Variants in MAN2B2 observed in about 807,000 individuals in gnomAD.
MAN2B2 encodes the protein mannosidase alpha class 2B member 2.
Under a neutral mutation model 117.1 loss-of-function variants are expected in MAN2B2, and 106 were observed. The observed-to-expected ratio is 0.90, with a 90% CI of 0.77 to 1.06. The LOEUF (loss-of-function observed/expected upper bound fraction) is 1.06. MAN2B2 is among the 50% of genes least tolerant of loss of function. The pLI, the probability that MAN2B2 is intolerant of heterozygous loss-of-function variation, is 0.00. For missense variants in MAN2B2, 1,326 were observed against 1,381.4 expected, an observed-to-expected ratio of 0.96 and a Z score of 0.64; for synonymous variants, 544 against 595.1, an observed-to-expected ratio of 0.91 and a Z score of 1.25.
At chr4:6,588,038 C>T (rs960984609) in intron 4 of MAN2B2, among the ~76,000 whole-genome samples, 57 of 152,084 alleles carry the variant, frequency 3.7e-4, no homozygotes, top group Non-Finnish European at 2.5e-4. Flanking sequence ...GTATTACAGG[C>T]GGGAGCCACT....
At chr4:6,579,383 T>C (rs147968506) in intron 3 of MAN2B2, among the ~76,000 whole-genome samples, 14,924 of 30,384 alleles carry the variant, frequency 0.49, 2,149 homozygotes, top group East Asian at 0.67. Flanking sequence ...CCACCACCAC[T>C]ACCCTTCACC....
At chr4:6,576,901 C>T (rs897565877) in intron 2 of MAN2B2, among the ~76,000 whole-genome samples, 177 bp downstream of exon 2, 1 of 152,194 alleles carries the variant, frequency 6.6e-6, no homozygotes, top group Non-Finnish European at 1.5e-5. Flanking sequence ...GAGTTCCATG[C>T]CTGGGAGAGA....
Position 6,593,173 on chromosome 4 carries a change from G to A in MAN2B2, c.681G>A (p.Arg227=), listed in dbSNP as rs1726921302. 1 of 1,613,664 alleles carries A rather than the reference G, an allele frequency of 6.2e-7. No homozygotes were observed. Among genetic ancestry groups the A allele is most frequent in the African/African-American group, 1.3e-5 (1 of 74,932 alleles). The change falls in exon 6 of 19, where the codon AGG becomes AGA. Residue 227 remains arginine, a splice_region_variant and synonymous_variant. Coordinates refer to ENST00000285599, the MANE Select transcript of MAN2B2 (RefSeq NM_015274.3). ...CTPSHIPFSN[R]SGFYWNGVAV... The stretch of plus-strand genomic sequence containing the variant: ...GCCCTAACCTTCTGCCCTCGCACAG[G>A]TCAGGATTTTACTGGAATGGCGTGG...
At chr4:6,597,045 C>T (rs1247366214) in intron 7 of MAN2B2, 68 bp from the exon 8 acceptor site, 33 of 1,468,604 alleles carry the variant, frequency 2.2e-5, no homozygotes, top group Non-Finnish European at 3.1e-5. Context: ...TCAGCTCTTC[C>T]AGGGCTGGAG....
intron 11 of MAN2B2, 82 bp from the exon 12 acceptor site, chr4:6,609,025 C>A (rs1727653346): frequency 9.6e-6 from 13 of 1,351,444 alleles, no homozygotes; most frequent in African/African-American, 1.4e-5. Context: ...CAGATGGCAT[C>A]TGGAGAGAGA....
rs756870082 is a variant in MAN2B2 at position 6,614,267 on chromosome 4, G to A, written c.2613G>A (p.Leu871=). ...PGPQQQEAVT[L]PPNLHLQILS... ...CCCAGCAGCAAGAGGCCGTGACGCT[G>A]CCCCCGAATCTTCACCTGCAGATCC... The change falls in exon 16 of 19, where the codon CTG becomes CTA. Residue 871 remains leucine, a synonymous_variant. Transcript: ENST00000285599. 3.7e-6 allele frequency: 6 copies of A among 1,614,102 alleles called. No individual in the cohort carries two copies. Among genetic ancestry groups the A allele is most frequent in the South Asian group, 2.2e-5 (2 of 91,084 alleles).
intron 15 of MAN2B2, among the ~76,000 whole-genome samples, chr4:6,611,918 A>C (rs1399269123): frequency 1.3e-5 from 2 of 152,266 alleles, no homozygotes; most frequent in East Asian, 1.9e-4. Flanking sequence ...TCTGTAGATC[A>C]GATCAACAAC....
rs751581605 is a variant in MAN2B2, at chr4:6,578,434, C to T, written c.327C>T (p.Ile109=). Reference sequence around the variant, plus strand: ...AGGAAGGACGCCTGGAATTTGTCATCGGAGGCCAGGTCATGCATGACGAGG... The same window carrying T: ...AGGAAGGACGCCTGGAATTTGTCATTGGAGGCCAGGTCATGCATGACGAGG... ...LLEEGRLEFV[I]GGQVMHDEAV... The change falls in exon 3 of 19, where the codon ATC becomes ATT. Residue 109 remains isoleucine (I), a synonymous_variant. Transcript: ENST00000285599. 30 of 1,613,556 alleles carry T rather than the reference C, an allele frequency of 1.9e-5. No homozygotes were observed. The highest frequency in any genetic ancestry group is 4.0e-5 in the African/African-American group (3 of 74,892).
At position 6,613,070 on chromosome 4, in the gene MAN2B2, T is replaced by C. The variant is rs538600183; in HGVS notation, c.2564-1148T>C. On this transcript the variant is annotated intron_variant, in intron 15 of 18. Transcript: ENST00000285599. The stretch of plus-strand genomic sequence containing the variant: ...TCAAAAGGACCTAAGACTTGGACTT[T>C]CCAGTTCCAAGTGCAAAAGTCCTAG... Among the ~76,000 whole-genome samples, 12 of 152,326 alleles carry C rather than the reference T, an allele frequency of 7.9e-5. No individual in the cohort carries two copies. The East Asian group carries it at 2.1e-3, about 27-fold the overall frequency.
intron 11 of MAN2B2, among the ~76,000 whole-genome samples, chr4:6,606,300 GTCC>G (rs1458894153): frequency 6.6e-6 from 1 of 152,230 alleles, no homozygotes; most frequent in African/African-American, 2.4e-5. Context: ...AGTCAGGTCT[GTCC>G]TCATCTTTCC....
rs767305655 is a variant in MAN2B2 at position 6,597,131 on chromosome 4, C to T, written c.1076C>T (p.Thr359Met). 18 of 1,613,308 alleles carry T rather than the reference C, an allele frequency of 1.1e-5. 1 individual carries two copies. The highest frequency in any genetic ancestry group is 8.9e-5 in the East Asian group (4 of 44,834). ...PYSTEPFQAW[T>M]GFYTSRSSLK... is the part of the protein sequence containing the mutation. ...CTCCCAGAACCATTCCAGGCCTGGA[C>T]GGGCTTCTACACGTCCCGCAGCTCA... The change falls in exon 8 of 19, where the codon ACG (threonine) becomes ATG (methionine). Residue 359 changes from threonine (T) to methionine (M), a missense_variant. Physicochemically the swap from Thr to Met is moderately conservative, Grantham distance 81 (BLOSUM62 -1). Coordinates refer to ENST00000285599, the MANE Select transcript of MAN2B2 (RefSeq NM_015274.3).
chr4:6,603,349 T>C (rs995536267), intron 10 of MAN2B2, among the ~76,000 whole-genome samples: 1 of 152,154 alleles, frequency 6.6e-6, no homozygotes, highest in Non-Finnish European at 1.5e-5. Context: ...AGCCCTGGGC[T>C]GGGTGCTGGG....
At chr4:6,586,885 A>G (rs1726649933) in intron 3 of MAN2B2, 111 bp from the exon 4 acceptor site, 10 of 922,880 alleles carry the variant, frequency 1.1e-5, no homozygotes, top group Non-Finnish European at 1.7e-5. Context: ...TGCCTGGCCC[A>G]GTAGCTGGCA....
intron 9 of MAN2B2, among the ~76,000 whole-genome samples, chr4:6,598,634 T>C (rs2108746657): frequency 6.6e-6 from 1 of 152,324 alleles, no homozygotes; most frequent in South Asian, 2.1e-4. Flanking sequence ...TCATGCAGTA[T>C]TGAATTTAAT....
At chr4:6,593,035 T>A in intron 5 of MAN2B2, 138 bp from the exon 6 acceptor site, 1 of 781,768 alleles carries the variant, frequency 1.3e-6, no homozygotes, top group East Asian at 3.0e-5. Context: ...CCACCGTCGG[T>A]CATGGAGTGG....
chr4:6,593,367 G>C lies in MAN2B2; in HGVS notation c.858+17G>C, dbSNP rs777305064. ...TGGCCCTGGGTAAGGCAGAGTCCCAGGTGCTGTGCCCTCAACACAGCCCAA... is the reference window on the plus strand; with the variant it reads ...TGGCCCTGGGTAAGGCAGAGTCCCACGTGCTGTGCCCTCAACACAGCCCAA... On this transcript the variant is annotated intron_variant, in intron 6 of 18. Coordinates refer to ENST00000285599, the MANE Select transcript of MAN2B2 (RefSeq NM_015274.3). 2 of 1,604,840 alleles carry C rather than the reference G, an allele frequency of 1.2e-6. No individual in the cohort carries two copies. Among genetic ancestry groups the C allele is most frequent in the Non-Finnish European group, 1.7e-6 (2 of 1,175,690 alleles).
chr4:6,588,775 G>T (rs1045291522), intron 4 of MAN2B2, among the ~76,000 whole-genome samples: 2 of 152,134 alleles, frequency 1.3e-5, no homozygotes, highest in South Asian at 2.1e-4. Context: ...GCACCTGGGG[G>T]CATTCAAGCA....
intron 3 of MAN2B2, among the ~76,000 whole-genome samples, chr4:6,581,657 C>A (rs917267109): frequency 2.6e-5 from 4 of 151,622 alleles, no homozygotes; most frequent in South Asian, 2.1e-4. Context: ...TGCCTCGAGG[C>A]AGGCCCTGGA....
At chr4:6,619,889 T>G (rs1712077683) in intron 17 of MAN2B2, 38 bp from the exon 18 acceptor site, 1 of 1,575,608 alleles carries the variant, frequency 6.3e-7, no homozygotes, top group African/African-American at 1.3e-5. Context: ...CTCTGGAACT[T>G]GGTGCAGCTC....
Sources: allele counts gnomAD v4.1 joint callset (sites outside exome capture counted in the v4.1 genomes callset), GRCh38; gene constraint gnomAD v4.1.1; transcripts MANE v1.5; gene names NCBI Gene and HGNC (gene_info 2026-07-23, HGNC 2026-07-21).